RAD9B: variants seen among roughly 807,000 people sequenced by gnomAD.
RAD9B encodes RAD9 checkpoint clamp component B, also known as cell cycle checkpoint control protein RAD9B.
A neutral mutation model predicts 48.3 loss-of-function variants in RAD9B; 41 were observed. The observed-to-expected ratio is 0.85, with a 90% CI of 0.66 to 1.10. RAD9B has a LOEUF of 1.10. RAD9B is among the 50% of genes least tolerant of loss of function. The pLI, the probability that RAD9B is intolerant of heterozygous loss-of-function variation, is 0.00. For synonymous variants in RAD9B, 160 were observed against 157.9 expected, an observed-to-expected ratio of 1.01 and a Z score of -0.10; for missense variants, 444 against 485.1, an observed-to-expected ratio of 0.92 and a Z score of 0.80.
At chr12:110,519,677 C>T in intron 8 of RAD9B, 117 bp from the exon 9 acceptor site, 1 of 1,113,430 alleles carries the variant, frequency 9.0e-7, no homozygotes, top group Non-Finnish European at 1.3e-6. Context: ...CTCAGATGAT[C>T]CACCCGCCTT....
chr12:110,520,590 T>C (rs530882195), intron 9 of RAD9B, among the ~76,000 whole-genome samples: 1 of 150,834 alleles, frequency 6.6e-6, no homozygotes, highest in South Asian at 2.1e-4. Context: ...CCTAGAACTT[T>C]TGCTCAGATA....
In RAD9B at chr12:110,515,091, A is replaced by C. The variant is rs769471739; in HGVS notation, c.530A>C (p.Glu177Ala). 8 of 1,556,962 alleles carry C rather than the reference A, an allele frequency of 5.1e-6. No homozygotes were observed. The highest frequency in any genetic ancestry group is 1.7e-4 in the Middle Eastern group (1 of 6,000). The stretch of plus-strand genomic sequence containing the variant: ...ATTGTTCTTTTTACATCAAGTCAAG[A>C]GGAAGTTACTCTTGCTGTTACTCCA... ...DAIVLFTSSQ[E>A]EVTLAVTPLN... Residue 177 changes from glutamate to alanine, a missense_variant, in exon 6 of 11, where the codon GAG (glutamate) becomes GCG (alanine). Physicochemically the swap from Glu to Ala is moderately radical, Grantham distance 107 (BLOSUM62 -1). Transcript: ENST00000409300.
At chr12:110,511,841 C>G (rs1288320312) in intron 4 of RAD9B, among the ~76,000 whole-genome samples, 1 of 151,912 alleles carries the variant, frequency 6.6e-6, no homozygotes, top group Non-Finnish European at 1.5e-5. Flanking sequence ...TCACATGTAC[C>G]CCATACATTT....
At chr12:110,503,671 T>A in intron 1 of RAD9B, 135 bp from the exon 2 acceptor site, 1 of 671,948 alleles carries the variant, frequency 1.5e-6, no homozygotes, top group Non-Finnish European at 2.7e-6. Context: ...TGTATTAAAG[T>A]AATGTAGCAT....
At chr12:110,518,482 A>G (rs751231758) in intron 6 of RAD9B, among the ~76,000 whole-genome samples, 194 bp from the exon 7 acceptor site, 2 of 152,258 alleles carry the variant, frequency 1.3e-5, no homozygotes, top group African/African-American at 2.4e-5. Flanking sequence ...GTAGTTTAAG[A>G]GAAATGTAAA....
At chr12:110,505,372 A>G (rs2063231682) in intron 2 of RAD9B, among the ~76,000 whole-genome samples, 1 of 152,152 alleles carries the variant, frequency 6.6e-6, no homozygotes, top group Non-Finnish European at 1.5e-5. Flanking sequence ...GAACACATTT[A>G]ACTGTGATGT....
At chr12:110,524,892 A>G (rs948968075) in intron 10 of RAD9B, among the ~76,000 whole-genome samples, 4 of 151,952 alleles carry the variant, frequency 2.6e-5, no homozygotes, top group Non-Finnish European at 4.4e-5. Flanking sequence ...TAACAGTACA[A>G]TGATCATTTC....
chr12:110,507,594 A>G (rs1296414807), intron 4 of RAD9B, among the ~76,000 whole-genome samples: 2 of 145,970 alleles, frequency 1.4e-5, no homozygotes, highest in African/African-American at 2.5e-5. Flanking sequence ...TATACATAAT[A>G]CATATTATGT....
intron 10 of RAD9B, 48 bp from the exon 11 acceptor site, chr12:110,530,477 C>A (rs1433466034): frequency 1.9e-6 from 3 of 1,595,530 alleles, no homozygotes; most frequent in Non-Finnish European, 2.6e-6. Flanking sequence ...ATTTAATGAG[C>A]AAACTTTCTC....
chr12:110,509,302 C>T (rs2063389602), intron 4 of RAD9B, among the ~76,000 whole-genome samples: 1 of 151,562 alleles, frequency 6.6e-6, no homozygotes, highest in Non-Finnish European at 1.5e-5. Context: ...GATGGGGTTT[C>T]ACCATGTTGC....
At chr12:110,509,132 C>T (rs1442908770) in intron 4 of RAD9B, among the ~76,000 whole-genome samples, 1 of 150,814 alleles carries the variant, frequency 6.6e-6, no homozygotes, top group Non-Finnish European at 1.5e-5. Flanking sequence ...GCCCGGCTAA[C>T]TTTTTTTTTG....
At chr12:110,513,645 TGAAC>T in intron 5 of RAD9B, among the ~76,000 whole-genome samples, 1 of 151,046 alleles carries the variant, frequency 6.6e-6, no homozygotes, top group South Asian at 2.1e-4. Context: ...TAAACATTAA[TGAAC>T]ATTACTTTGT....
In RAD9B at chr12:110,533,138, G is replaced by T. The variant is rs1386280806; in HGVS notation, c.*2485G>T. The T allele has an allele frequency of 6.6e-6, 1 of 152,196 alleles. No homozygotes were observed. Among genetic ancestry groups the T allele is most frequent in the African/African-American group, 2.4e-5 (1 of 41,444 alleles). The allele number at this position is 152,196 out of a possible 1,614,324, so 9.4% of individuals were successfully genotyped here. A position where few individuals can be genotyped will look rare whatever the true frequency, so the allele number is the denominator to read the frequency against. On this transcript the variant is annotated 3_prime_UTR_variant, in exon 11 of 11. Transcript: ENST00000409300. Reference sequence around the variant, plus strand: ...AAGTAGCAGCATATAATCAGTGCTAGAATGACTAGGAGGCTTGGAAATGAG... The same window carrying T: ...AAGTAGCAGCATATAATCAGTGCTATAATGACTAGGAGGCTTGGAAATGAG...
intron 8 of RAD9B, 67 bp from the exon 9 acceptor site, chr12:110,519,727 T>C: frequency 6.5e-7 from 1 of 1,531,170 alleles, no homozygotes; most frequent in Middle Eastern, 1.7e-4. Flanking sequence ...TTAAGTATCA[T>C]TTCTAATGTG....
At chr12:110,523,610 TG>T (rs1446126664) in intron 10 of RAD9B, among the ~76,000 whole-genome samples, 1 of 152,188 alleles carries the variant, frequency 6.6e-6, no homozygotes, top group Non-Finnish European at 1.5e-5. Context: ...AACTGAAATC[TG>T]TGTTCTCATT....
Position 110,522,372 on chromosome 12 carries a change from C to A in RAD9B, c.1086C>A (p.Ser362Arg). The part of the protein sequence containing the change: ...DVSEVSESSV[S>R]NTEEVPGSLC... ...GTGAAGTATCAGAAAGCAGTGTCAG[C>A]AACACAGAGGAAGTGCCAGGGTCTC... Residue 362 changes from serine to arginine, a missense_variant, in exon 10 of 11, where the codon AGC becomes AGA. Transcript: ENST00000409300. The A allele has an allele frequency of 6.2e-7, 1 of 1,612,816 alleles. No individual in the cohort carries two copies. The highest frequency in any genetic ancestry group is 8.5e-7 in the Non-Finnish European group (1 of 1,179,420).
rs753863908 is a variant in RAD9B, at chr12:110,530,697, C to T, written c.*44C>T. 1 of 1,609,596 alleles carries T rather than the reference C, an allele frequency of 6.2e-7. No homozygotes were observed. The highest frequency in any genetic ancestry group is 1.7e-5 in the Admixed American group (1 of 59,396). On this transcript the variant is annotated 3_prime_UTR_variant, in exon 11 of 11. Coordinates refer to ENST00000409300, the MANE Select transcript of RAD9B (RefSeq NM_001286535.2). ...CTGGGCCCCAGCCCAGTGACTGGCT[C>T]ATTTGCCCCTCAAGCACGAGTTTGC...
intron 10 of RAD9B, among the ~76,000 whole-genome samples, chr12:110,524,331 G>T (rs1362304419): frequency 1.3e-5 from 2 of 152,190 alleles, no homozygotes. Flanking sequence ...GGGAGGCAGA[G>T]GCGGGCAGAT....
intron 9 of RAD9B, among the ~76,000 whole-genome samples, chr12:110,520,628 C>CTTTTTTTTTTTTTTTTTTTGTTTT (rs71083129): frequency 1.0e-5 from 1 of 99,966 alleles, no homozygotes; most frequent in East Asian, 3.1e-4. Context: ...TTCTTGCTTT[C>CTTTTTTTTTTTTTTTTTTTGTTTT]TTTTTTTTTT....
Sources: gnomAD v4.1 joint callset for allele counts (sites outside exome capture counted in the v4.1 genomes callset) on GRCh38, gnomAD v4.1.1 for gene constraint, MANE v1.5 for transcripts, NCBI Gene and HGNC (gene_info 2026-07-23, HGNC 2026-07-21) for gene names.